Variants in KIAA1586 observed in about 807,000 individuals in gnomAD.
KIAA1586 encodes the protein E3 SUMO-protein ligase KIAA1586.
A neutral mutation model predicts 6.1 loss-of-function variants in KIAA1586; 5 were observed. The observed-to-expected ratio is 0.82, with a 90% CI of 0.43 to 1.73. KIAA1586 has a LOEUF of 1.73. Among genes scored for constraint, KIAA1586 ranks in the 40% most tolerant of loss-of-function variants. The probability of loss-of-function intolerance (pLI) is 0.02; values close to 1 mark genes in which losing one functional copy is unlikely to be tolerated. For synonymous variants in KIAA1586, 280 were observed against 301.7 expected (o/e 0.93, Z 0.75); for missense variants, 899 against 878.2 (o/e 1.02, Z -0.30).
the KIAA1586 span, among the ~76,000 whole-genome samples, chr6:57,060,535 C>G: frequency 6.6e-6 from 1 of 152,120 alleles, no homozygotes; most frequent in Non-Finnish European, 1.5e-5. Flanking sequence ...TATTTCTTCT[C>G]TACTGAAAAG....
intron 2 of KIAA1586, among the ~76,000 whole-genome samples, chr6:57,048,046 A>G (rs926501886): frequency 1.3e-5 from 2 of 151,148 alleles, no homozygotes; most frequent in African/African-American, 4.9e-5. Flanking sequence ...ATTTTCAGAC[A>G]AGTGCAGGGA....
At position 57,054,178 on chromosome 6, in the gene KIAA1586, C is replaced by T. The variant is rs1271731545; in HGVS notation, c.1679C>T (p.Thr560Ile). Residue 560 changes from threonine to isoleucine, a missense_variant, in exon 4 of 4, where the codon ACC (threonine) becomes ATC (isoleucine). Transcript: ENST00000370733. The stretch of plus-strand genomic sequence containing the variant: ...AAAGCACAAAAATTGATCAAACGTA[C>T]CATAAGAGCTTTGGAAAATTTAAAA... ...IKKAQKLIKR[T>I]IRALENLKIG... The T allele has an allele frequency of 1.9e-6, 3 of 1,587,850 alleles. No individual in the cohort carries two copies. Among genetic ancestry groups the T allele is most frequent in the African/African-American group, 1.4e-5 (1 of 73,212 alleles).
At chr6:57,048,616 T>G (rs1429077749) in intron 2 of KIAA1586, among the ~76,000 whole-genome samples, 6 of 152,236 alleles carry the variant, frequency 3.9e-5, no homozygotes, top group Non-Finnish European at 7.3e-5. Flanking sequence ...GGTTTCTGTT[T>G]TTGTAACGAG....
At chr6:57,057,864 T>C (rs1828520460), downstream of KIAA1586, among the ~76,000 whole-genome samples, 1 of 152,308 alleles carries the variant, frequency 6.6e-6, no homozygotes, top group Non-Finnish European at 1.5e-5. Context: ...GGCATGATCA[T>C]GGCTTACTGC....
intron 3 of KIAA1586, among the ~76,000 whole-genome samples, chr6:57,051,933 C>G (rs1015519926): frequency 4.6e-5 from 7 of 152,112 alleles, no homozygotes; most frequent in Non-Finnish European, 1.0e-4. Context: ...GAGATCGCGC[C>G]ACTGCACTCC....
At chr6:57,061,506 C>T in the KIAA1586 span, among the ~76,000 whole-genome samples, 1 of 152,080 alleles carries the variant, frequency 6.6e-6, no homozygotes, top group Non-Finnish European at 1.5e-5. Context: ...AGTCCTCCTG[C>T]CTCAGTCTCC....
At position 57,053,049 on chromosome 6, in the gene KIAA1586, T is replaced by C; in HGVS notation, c.550T>C (p.Trp184Arg). ...AEKHVHVSKE[W>R]IAYLVTPNGS... ...AAAGCATGTCCATGTGTCCAAGGAA[T>C]GGATTGCATATTTAGTAACCCCTAA... The change falls in exon 4 of 4, where the codon TGG becomes CGG. Residue 184 changes from tryptophan (W) to arginine (R), a missense_variant. Coordinates refer to ENST00000370733, the MANE Select transcript of KIAA1586 (RefSeq NM_020931.4). The C allele has an allele frequency of 6.2e-7, 1 of 1,613,636 alleles. No individual in the cohort carries two copies. The highest frequency in any genetic ancestry group is 8.5e-7 in the Non-Finnish European group (1 of 1,179,810).
chr6:57,060,244 T>C, the KIAA1586 span, among the ~76,000 whole-genome samples: 10 of 152,256 alleles, frequency 6.6e-5, 1 homozygote, highest in East Asian at 1.9e-3. Context: ...TCCCTCATAA[T>C]TGCCGGATGC....
the KIAA1586 span, among the ~76,000 whole-genome samples, chr6:57,063,733 C>T: frequency 8.6e-5 from 13 of 151,914 alleles, no homozygotes; most frequent in African/African-American, 3.1e-4. Flanking sequence ...GGATTACAGG[C>T]GTGAGCCACT....
At chr6:57,050,876 T>C in intron 3 of KIAA1586, 22 bp downstream of exon 3, 1 of 1,547,258 alleles carries the variant, frequency 6.5e-7, no homozygotes, top group Non-Finnish European at 8.9e-7. Flanking sequence ...ATATTTGTGT[T>C]TGTTCAGTTT....
At chr6:57,063,921 C>T in the KIAA1586 span, among the ~76,000 whole-genome samples, 3 of 151,940 alleles carry the variant, frequency 2.0e-5, no homozygotes, top group African/African-American at 7.3e-5. Flanking sequence ...ATTATATGTA[C>T]CTGAAACAAA....
In KIAA1586 at chr6:57,052,803, A is replaced by G; in HGVS notation, c.304A>G (p.Lys102Glu). 6.2e-7 allele frequency: 1 copy of G among 1,613,732 alleles called. No homozygotes were observed. Residue 102 changes from lysine (K) to glutamate (E), a missense_variant, in exon 4 of 4, where the codon AAG (lysine) becomes GAG (glutamate). Transcript: ENST00000370733. Reference protein sequence around the residue: ...EVSKNHCRLSKAKEPHFEYIE... With the variant: ...EVSKNHCRLSEAKEPHFEYIE... ...GAGCAAAAATCACTGCAGATTGTCT[A>G]AGGCAAAGGAACCACATTTCGAGTA...
intron 2 of KIAA1586, among the ~76,000 whole-genome samples, chr6:57,048,783 T>C (rs527822813): frequency 6.6e-6 from 1 of 152,346 alleles, no homozygotes; most frequent in East Asian, 1.9e-4. Context: ...ATGATCCATG[T>C]GCCATTGAGA....
At chr6:57,057,707 G>A (rs1828518137), downstream of KIAA1586, among the ~76,000 whole-genome samples, 1 of 151,834 alleles carries the variant, frequency 6.6e-6, no homozygotes, top group Non-Finnish European at 1.5e-5. Context: ...AGCTAAAATC[G>A]CACCACTGCA....
rs776343704 is a variant in KIAA1586, at chr6:57,054,378, A to AT, written c.1884dup (p.Asn629Ter). ...TTTATCTGACAGAAACCATGAAGATATTTTTAATTACTTTGATTTGCTGGA... is the reference window on the plus strand; with the variant it reads ...TTTATCTGACAGAAACCATGAAGATATTTTTTAATTACTTTGATTTGCTGGA... On this transcript the variant is annotated frameshift_variant, in exon 4 of 4. Transcript: ENST00000370733. LOFTEE classifies it low-confidence loss of function (END_TRUNC). 146 of 1,609,000 alleles carry AT rather than the reference A, an allele frequency of 9.1e-5. No individual in the cohort carries two copies. The highest frequency in any genetic ancestry group is 1.2e-4 in the Non-Finnish European group (145 of 1,178,272).
the KIAA1586 span, among the ~76,000 whole-genome samples, chr6:57,060,271 G>T: frequency 6.6e-6 from 1 of 152,070 alleles, no homozygotes; most frequent in South Asian, 2.1e-4. Flanking sequence ...CAGTTTTAGG[G>T]ATGCTCGATT....
the KIAA1586 span, among the ~76,000 whole-genome samples, chr6:57,066,635 T>G: frequency 1.3e-5 from 2 of 152,198 alleles, no homozygotes; most frequent in African/African-American, 4.8e-5. Context: ...TAAAATGAAT[T>G]CTGTTTTCAG....
rs758137245 is a variant in KIAA1586, at chr6:57,053,823, A to G, written c.1324A>G (p.Ile442Val). The change falls in exon 4 of 4, where the codon ATA (isoleucine) becomes GTA (valine). Residue 442 changes from isoleucine (I) to valine (V), a missense_variant. Coordinates refer to ENST00000370733, the MANE Select transcript of KIAA1586 (RefSeq NM_020931.4). Reference sequence around the variant, plus strand: ...AATAAAACAAATTAATCATTTAAAAATATTTATTGATAAAATTTATTCTAT... The same window carrying G: ...AATAAAACAAATTAATCATTTAAAAGTATTTATTGATAAAATTTATTCTAT... ...SEIKQINHLK[I>V]FIDKIYSIYH... 1 of 1,488,230 alleles carries G rather than the reference A, an allele frequency of 6.7e-7. No individual in the cohort carries two copies. Among genetic ancestry groups the G allele is most frequent in the Non-Finnish European group, 9.0e-7 (1 of 1,106,330 alleles). The allele number at this position is 1,488,230 out of a possible 1,614,324, so 92.2% of individuals were successfully genotyped here. A position where few individuals can be genotyped will look rare whatever the true frequency, so the allele number is the denominator to read the frequency against.
chr6:57,062,557 G>A, the KIAA1586 span, among the ~76,000 whole-genome samples: 3 of 152,114 alleles, frequency 2.0e-5, no homozygotes, highest in African/African-American at 7.2e-5. Flanking sequence ...AGTATTCCTA[G>A]AAGACTTCCC....
Sources: gnomAD v4.1 joint callset for allele counts (sites outside exome capture counted in the v4.1 genomes callset) on GRCh38, gnomAD v4.1.1 for gene constraint, MANE v1.5 for transcripts, NCBI Gene and HGNC (gene_info 2026-07-23, HGNC 2026-07-21) for gene names.